Variants in WWC1 observed in about 807,000 individuals in gnomAD.
WWC1 encodes the protein WW and C2 domain containing 1.
In WWC1, 55 loss-of-function variants were observed where a neutral mutation model predicts 138.4. That is an observed-to-expected ratio of 0.40 (90% CI 0.32 to 0.50). The LOEUF is 0.50. Ranked by LOEUF, WWC1 falls within the 20% of genes least tolerant of loss-of-function variation. WWC1 has a pLI of 0.72. For missense variants in WWC1, 1,226 were observed against 1,420.4 expected, an observed-to-expected ratio of 0.86 and a Z score of 2.20; for synonymous variants, 524 against 564.9, an observed-to-expected ratio of 0.93 and a Z score of 1.03.
At chr5:168,382,794 C>T (rs1482666122) in intron 2 of WWC1, among the ~76,000 whole-genome samples, 1 of 152,128 alleles carries the variant, frequency 6.6e-6, no homozygotes, top group Non-Finnish European at 1.5e-5. Context: ...TTTTTTGTAG[C>T]CACTGTAAGC....
At chr5:168,386,527 G>A (rs1164171363) in intron 3 of WWC1, among the ~76,000 whole-genome samples, 1 of 150,290 alleles carries the variant, frequency 6.7e-6, no homozygotes, top group Non-Finnish European at 1.5e-5. Flanking sequence ...AGAGTAGCTG[G>A]GACTACAGGC....
At chr5:168,405,673 C>A (rs1779726766) in intron 5 of WWC1, among the ~76,000 whole-genome samples, 1 of 150,698 alleles carries the variant, frequency 6.6e-6, no homozygotes, top group South Asian at 2.1e-4. Flanking sequence ...CAGCCACACA[C>A]GTTGGCCGTT....
intron 1 of WWC1, among the ~76,000 whole-genome samples, chr5:168,339,833 T>TCTTTC (rs879455950): frequency 2.2e-3 from 56 of 25,124 alleles, no homozygotes; most frequent in African/African-American, 5.4e-3. Flanking sequence ...TTTCTTTCTT[T>TCTTTC]TTCTTTTCTT....
intron 3 of WWC1, among the ~76,000 whole-genome samples, chr5:168,394,072 G>A (rs1459814892): frequency 6.6e-6 from 1 of 152,162 alleles, no homozygotes; most frequent in Non-Finnish European, 1.5e-5. Context: ...TAGGATGACG[G>A]GGAGATGGGA....
chr5:168,301,344 TAG>T (rs1770050964), intron 1 of WWC1, among the ~76,000 whole-genome samples: 1 of 152,120 alleles, frequency 6.6e-6, no homozygotes, highest in Non-Finnish European at 1.5e-5. Context: ...CACTTTAAAA[TAG>T]TAAGTGGGAC....
Position 168,371,526 on chromosome 5 carries a change from C to A in WWC1, c.222C>A (p.His74Gln). Residue 74 changes from histidine to glutamine, a missense_variant, in exon 2 of 23, where the codon CAC (histidine) becomes CAA (glutamine). His to Gln is a conservative substitution (Grantham distance 24). This residue lies in a region of WWC1 where 1,016 missense variants were observed against 1,153.9 expected (regional missense o/e 0.88). Coordinates refer to ENST00000265293, the MANE Select transcript of WWC1 (RefSeq NM_015238.3). ...AGGTTGGAGATTACTTCATAGACCA[C>A]AACACCAGTAAGTTCCCGACGGTCC... ...DPQVGDYFIDHNTKTTQIEDP... is the reference protein window; with the variant it reads ...DPQVGDYFIDQNTKTTQIEDP... The A allele has an allele frequency of 6.2e-7, 1 of 1,613,068 alleles. No individual in the cohort carries two copies. Among genetic ancestry groups the A allele is most frequent in the East Asian group, 2.2e-5 (1 of 44,858 alleles).
intron 6 of WWC1, among the ~76,000 whole-genome samples, chr5:168,407,699 T>A (rs1049862606): frequency 6.6e-6 from 1 of 152,186 alleles, no homozygotes; most frequent in African/African-American, 2.4e-5. Flanking sequence ...CATCGATAAA[T>A]TGGGGATAAT....
At chr5:168,366,922 C>G (rs146575792) in intron 1 of WWC1, among the ~76,000 whole-genome samples, 10 of 150,822 alleles carry the variant, frequency 6.6e-5, no homozygotes, top group Admixed American at 5.9e-4. Context: ...CTCAGCCTCC[C>G]GAGTAGCTGG....
intron 15 of WWC1, among the ~76,000 whole-genome samples, chr5:168,440,557 C>T (rs1436590994): frequency 1.3e-5 from 2 of 152,090 alleles, no homozygotes; most frequent in Admixed American, 6.5e-5. Flanking sequence ...GTTCTTGTTG[C>T]CCAGGCTGGA....
chr5:168,295,781 G>T (rs1769486354), intron 1 of WWC1, among the ~76,000 whole-genome samples: 1 of 152,170 alleles, frequency 6.6e-6, no homozygotes, highest in Non-Finnish European at 1.5e-5. Flanking sequence ...TCACCAGGGG[G>T]TTGGAAGAGC....
chr5:168,338,079 G>T (rs1056613988), intron 1 of WWC1, among the ~76,000 whole-genome samples: 4 of 152,078 alleles, frequency 2.6e-5, no homozygotes, highest in Non-Finnish European at 4.4e-5. Context: ...GGGAGGCCAA[G>T]GTGGGCAGAT....
Position 168,464,830 on chromosome 5 carries a change from C to T in WWC1, c.3018C>T (p.Thr1006=). 1.2e-6 allele frequency: 2 copies of T among 1,614,208 alleles called. No individual in the cohort carries two copies. The highest frequency in any genetic ancestry group is 1.7e-6 in the Non-Finnish European group (2 of 1,180,046). ...CAAGAACCTGGCACAGCCAATTGAC[C>T]CAGGAGATCTCGGTGCTGAAGGAGC... ...QATRTWHSQL[T]QEISVLKELK... The change falls in exon 21 of 23, where the codon ACC becomes ACT. Residue 1006 remains threonine (T), a synonymous_variant. Coordinates refer to ENST00000265293, the MANE Select transcript of WWC1 (RefSeq NM_015238.3).
chr5:168,303,187 A>G (rs1770250547), intron 1 of WWC1, among the ~76,000 whole-genome samples: 2 of 152,212 alleles, frequency 1.3e-5, no homozygotes, highest in Admixed American at 6.5e-5. Flanking sequence ...TCATGAGCCA[A>G]CACTGTCTAC....
At chr5:168,444,393 C>T (rs555476268) in intron 16 of WWC1, 101 bp from the exon 17 acceptor site, 7 of 1,194,246 alleles carry the variant, frequency 5.9e-6, no homozygotes, top group Non-Finnish European at 7.0e-6. Context: ...GTTTCACCAT[C>T]AATTCACTGG....
At chr5:168,426,786 C>A (rs768569642) in intron 11 of WWC1, among the ~76,000 whole-genome samples, 3 of 152,230 alleles carry the variant, frequency 2.0e-5, no homozygotes, top group Non-Finnish European at 4.4e-5. Context: ...ATGCTGCGAG[C>A]CCTTGCCCTG....
intron 21 of WWC1, among the ~76,000 whole-genome samples, chr5:168,467,445 G>A (rs1757396181): frequency 6.6e-6 from 1 of 152,176 alleles, no homozygotes; most frequent in Non-Finnish European, 1.5e-5. Flanking sequence ...ACTACTGCAT[G>A]GCTTGGGACT....
chr5:168,295,483 CGTGTGTGTGT>C lies in WWC1; in HGVS notation c.119+3239_119+3248del, dbSNP rs3138761. On this transcript the variant is annotated intron_variant, in intron 1 of 22. Coordinates refer to ENST00000265293, the MANE Select transcript of WWC1 (RefSeq NM_015238.3). Reference sequence around the variant, plus strand: ...AAAATTGCACTAAAAATTTCTACTCCGTGTGTGTGTGTGTGTGTGTGTGTGTGTGTGTGTG... The same window carrying C: ...AAAATTGCACTAAAAATTTCTACTCCGTGTGTGTGTGTGTGTGTGTGTGTG... Among the ~76,000 whole-genome samples the C allele has an allele frequency of 3.2e-4, 46 of 142,572 alleles. No individual in the cohort carries two copies. In the East Asian group the frequency reaches 6.4e-3, roughly 20 times the overall value. 93.5% of individuals were successfully genotyped at this position (142,572 alleles called of 152,430 possible). A position where few individuals can be genotyped will look rare whatever the true frequency, so the allele number is the denominator to read the frequency against.
intron 7 of WWC1, 93 bp downstream of exon 7, chr5:168,408,746 G>T: frequency 6.5e-7 from 1 of 1,549,672 alleles, no homozygotes. Context: ...GGCTCACCAG[G>T]GAGCTGGCCA....
chr5:168,384,713 C>CTTTTTT (rs762052940), intron 2 of WWC1, among the ~76,000 whole-genome samples: 8 of 99,630 alleles, frequency 8.0e-5, no homozygotes, highest in African/African-American at 2.3e-4. Context: ...CTGGTTTATT[C>CTTTTTT]TTTTTTTTTT....
Sources: gnomAD v4.1 joint callset for allele counts (sites outside exome capture counted in the v4.1 genomes callset) on GRCh38, gnomAD v4.1.1 for gene constraint, gnomAD v4.1.1 regional missense constraint, MANE v1.5 for transcripts, NCBI Gene and HGNC (gene_info 2026-07-23, HGNC 2026-07-21) for gene names.